LUZP1: variants seen among roughly 807,000 people sequenced by gnomAD.
LUZP1 encodes the protein filamin mechanobinding actin cross-linking protein.
In LUZP1, 25 loss-of-function variants were observed where a neutral mutation model predicts 71.3. The observed-to-expected ratio is 0.35, with a 90% CI of 0.26 to 0.49. The LOEUF (loss-of-function observed/expected upper bound fraction) is 0.49, where lower values mean the gene tolerates loss of function less well. LUZP1 is among the 20% of genes least tolerant of loss of function. The probability of loss-of-function intolerance (pLI) is 0.99; values close to 1 mark genes in which losing one functional copy is unlikely to be tolerated. For missense variants in LUZP1, 1,142 were observed against 1,300.8 expected (o/e 0.88, Z 1.88); for synonymous variants, 481 against 506.4 (o/e 0.95, Z 0.67).
At chr1:23,125,548 T>C (rs1199829168) in intron 2 of LUZP1, among the ~76,000 whole-genome samples, 1 of 152,212 alleles carries the variant, frequency 6.6e-6, no homozygotes, top group Admixed American at 6.5e-5. Flanking sequence ...GAAAAAAGTG[T>C]TGAGTGTGAG....
intron 3 of LUZP1, among the ~76,000 whole-genome samples, chr1:23,105,013 C>T (rs901228234): frequency 1.3e-5 from 2 of 152,190 alleles, no homozygotes; most frequent in African/African-American, 2.4e-5. Flanking sequence ...TGTATAGTCC[C>T]TCCAAAACAT....
chr1:23,165,291 C>G (rs1644501048), intron 2 of LUZP1, among the ~76,000 whole-genome samples: 1 of 150,602 alleles, frequency 6.6e-6, no homozygotes, highest in Non-Finnish European at 1.5e-5. Context: ...ATACATGTGT[C>G]AAAATTTGTC....
intron 2 of LUZP1, among the ~76,000 whole-genome samples, chr1:23,119,251 C>CTTTTTTTTT (rs35522356): frequency 1.9e-4 from 13 of 70,024 alleles, no homozygotes; most frequent in Non-Finnish European, 2.2e-4. Flanking sequence ...GTGACTAGCT[C>CTTTTTTTTT]TTTTTTTTTT....
In LUZP1 at chr1:23,145,480, T is replaced by C. The variant is rs575154972; in HGVS notation, c.-226+23286A>G. On this transcript the variant is annotated intron_variant, in intron 2 of 4. Transcript: ENST00000302291. ...ATACTATTAATCTCTTTTTTTTTTT[T>C]TTTTTTGAGACGGAGTCTTACTCTT... 2.6e-5 allele frequency among the ~76,000 whole-genome samples: 4 copies of C among 151,252 alleles called. No individual in the cohort carries two copies. In the South Asian group the frequency reaches 8.4e-4, roughly 32 times the overall value.
chr1:23,170,636 T>G (rs1644545658), intron 1 of LUZP1, among the ~76,000 whole-genome samples: 1 of 151,956 alleles, frequency 6.6e-6, no homozygotes, highest in African/African-American at 2.4e-5. Context: ...CTGGCTAATT[T>G]TTGTATTTTT....
intron 2 of LUZP1, among the ~76,000 whole-genome samples, chr1:23,164,712 C>T (rs1465058943): frequency 6.6e-6 from 1 of 152,130 alleles, no homozygotes; most frequent in Non-Finnish European, 1.5e-5. Flanking sequence ...GCCACAATTG[C>T]TACCTAATGT....
Position 23,094,105 on chromosome 1 carries a change from G to C in LUZP1, c.157C>G (p.Gln53Glu). ...ATGCTGGAGTTGCTACCTTCTGCCTGAATCACCTTGTCCTGGAGATCCAGG... is the reference window on the plus strand; with the variant it reads ...ATGCTGGAGTTGCTACCTTCTGCCTCAATCACCTTGTCCTGGAGATCCAGG... Residue 53 changes from glutamine to glutamate, a missense_variant, in exon 4 of 5, where the codon CAG becomes GAG. Gln to Glu is a conservative substitution (Grantham distance 29). Coordinates refer to ENST00000302291, the Ensembl canonical transcript of LUZP1. The surrounding 1 kb of genome is among the most constrained non-coding windows in gnomAD (Gnocchi z 4.7). 6.2e-7 allele frequency: 1 copy of C among 1,614,192 alleles called. No individual in the cohort carries two copies. Among genetic ancestry groups the C allele is most frequent in the Non-Finnish European group, 8.5e-7 (1 of 1,180,032 alleles).
At chr1:23,089,167 CA>C in intron 4 of LUZP1, 114 bp from the exon 4 acceptor site, 1 of 927,480 alleles carries the variant, frequency 1.1e-6, no homozygotes, top group Non-Finnish European at 1.7e-6. Context: ...AGATATAGCC[CA>C]GACAGGCCAT....
At chr1:23,104,831 A>T (rs1174928069) in intron 3 of LUZP1, among the ~76,000 whole-genome samples, 3 of 152,232 alleles carry the variant, frequency 2.0e-5, no homozygotes, top group Non-Finnish European at 2.9e-5. Flanking sequence ...CTTAGCCTTT[A>T]TGCCAGAGGC....
At chr1:23,146,447 T>C (rs1050172962) in intron 2 of LUZP1, among the ~76,000 whole-genome samples, 2 of 152,232 alleles carry the variant, frequency 1.3e-5, no homozygotes, top group Admixed American at 6.5e-5. Context: ...GTTACTTAAC[T>C]GCGTCTCAGT....
At chr1:23,107,179 T>A (rs891623576) in intron 3 of LUZP1, among the ~76,000 whole-genome samples, 1 of 152,200 alleles carries the variant, frequency 6.6e-6, no homozygotes, top group Non-Finnish European at 1.5e-5. Context: ...GCTTAAAATA[T>A]CACCTCATCA....
At chr1:23,092,062 T>C in exon 4 of LUZP1, 1 of 1,614,116 alleles carries the variant, frequency 6.2e-7, no homozygotes. Context: ...CCAGCACCAT[T>C]GGTATCTGGG....
intron 2 of LUZP1, among the ~76,000 whole-genome samples, chr1:23,115,019 G>A (rs1644066692): frequency 6.6e-6 from 1 of 152,106 alleles, no homozygotes; most frequent in African/African-American, 2.4e-5. Context: ...TCTAAGTAGA[G>A]GCATACCATT....
chr1:23,111,899 G>A (rs979452465), intron 2 of LUZP1, among the ~76,000 whole-genome samples: 1 of 151,922 alleles, frequency 6.6e-6, no homozygotes, highest in Non-Finnish European at 1.5e-5. Flanking sequence ...ACATAAATCT[G>A]GTCTATCTCC....
chr1:23,152,783 G>A (rs963353768), intron 2 of LUZP1, among the ~76,000 whole-genome samples: 7 of 152,000 alleles, frequency 4.6e-5, no homozygotes, highest in Non-Finnish European at 7.4e-5. Context: ...CACCAGCCTC[G>A]ACCTCCCAAA....
intron 2 of LUZP1, among the ~76,000 whole-genome samples, chr1:23,125,553 T>C (rs1241627661): frequency 1.3e-5 from 2 of 152,192 alleles, no homozygotes; most frequent in Non-Finnish European, 2.9e-5. Flanking sequence ...AAGTGTTGAG[T>C]GTGAGCAAGC....
chr1:23,129,315 C>T (rs980620117), intron 2 of LUZP1, among the ~76,000 whole-genome samples: 1 of 152,228 alleles, frequency 6.6e-6, no homozygotes, highest in South Asian at 2.1e-4. Context: ...GGCGCGGTGG[C>T]TCACACCTGT....
intron 2 of LUZP1, among the ~76,000 whole-genome samples, chr1:23,150,319 G>T (rs1249992193): frequency 6.6e-6 from 1 of 152,096 alleles, no homozygotes; most frequent in Non-Finnish European, 1.5e-5. Context: ...GTGCAAAAAT[G>T]GCAAAACAAT....
chr1:23,167,968 G>A (rs1644523617), intron 2 of LUZP1, among the ~76,000 whole-genome samples: 1 of 151,508 alleles, frequency 6.6e-6, no homozygotes, highest in South Asian at 2.1e-4. Context: ...GGAGGCCCCG[G>A]CCCCGCTCGC....
Sources: gnomAD v4.1 joint callset for allele counts (sites outside exome capture counted in the v4.1 genomes callset) on GRCh38, gnomAD v4.1.1 for gene constraint, Gnocchi (gnomAD v3.1) non-coding constraint, MANE v1.5 for transcripts, NCBI Gene and HGNC (gene_info 2026-07-23, HGNC 2026-07-21) for gene names.